FRY: variants seen among roughly 807,000 people sequenced by gnomAD.
The protein encoded by FRY is FRY microtubule binding protein, also known as protein furry homolog.
In FRY, 128 loss-of-function variants were observed where a neutral mutation model predicts 348.4. The observed-to-expected ratio is 0.37, with a 90% confidence interval of 0.32 to 0.43. The LOEUF (loss-of-function observed/expected upper bound fraction) is 0.43. FRY is among the 20% of genes least tolerant of loss of function. The pLI, the probability that FRY is intolerant of heterozygous loss-of-function variation, is 1.00. For synonymous variants in FRY, 1,370 were observed against 1,374.7 expected (o/e 1.00, Z 0.08); for missense variants, 2,736 against 3,695.2 (o/e 0.74, Z 6.73).
chr13:32,174,706 G>A (rs919273641), intron 19 of FRY, among the ~76,000 whole-genome samples: 1 of 152,018 alleles, frequency 6.6e-6, no homozygotes, highest in Non-Finnish European at 1.5e-5. Context: ...TTCCTCATAT[G>A]TTGCTTTCTT....
At chr13:32,063,725 C>A (rs534780287) in intron 1 of FRY, among the ~76,000 whole-genome samples, 57 of 152,340 alleles carry the variant, frequency 3.7e-4, no homozygotes, top group African/African-American at 1.3e-3. Context: ...AAGATTCCAA[C>A]AGCTAGGCAT....
intron 41 of FRY, among the ~76,000 whole-genome samples, chr13:32,234,350 G>T (rs1431160990): frequency 6.6e-6 from 1 of 151,970 alleles, no homozygotes. Context: ...TTGAGCCCAG[G>T]AGGTAGAGGC....
At chr13:32,114,524 T>C (rs577626049) in intron 3 of FRY, among the ~76,000 whole-genome samples, 6 of 152,320 alleles carry the variant, frequency 3.9e-5, no homozygotes, top group South Asian at 4.1e-4. Flanking sequence ...ATATCTTTTT[T>C]CCGTTCCAAG....
rs139189619 is a variant in FRY, at chr13:32,239,833, T to C, written c.6639T>C (p.His2213=). The change falls in exon 46 of 61, where the codon CAT becomes CAC. Residue 2213 remains histidine (H), a synonymous_variant. Transcript: ENST00000542859. The surrounding 1 kb of genome is among the most constrained non-coding windows in gnomAD (Gnocchi z 4.3). ...TWVNVVCRYL[H]EAYADITLNM... ...TCAATGTGGTCTGTCGATACCTTCA[T>C]GAAGCATATGCTGACATTACCTTGA... 46 of 1,614,156 alleles carry C rather than the reference T, an allele frequency of 2.8e-5. No individual in the cohort carries two copies. In the African/African-American group the frequency reaches 5.1e-4, roughly 18 times the overall value.
At chr13:32,275,833 C>G (rs1291975675) in intron 56 of FRY, among the ~76,000 whole-genome samples, 1 of 151,922 alleles carries the variant, frequency 6.6e-6, no homozygotes, top group Non-Finnish European at 1.5e-5. Flanking sequence ...GAACTCTAAC[C>G]ATGCGAGACT....
At chr13:32,205,041 A>G (rs1884271774) in intron 31 of FRY, among the ~76,000 whole-genome samples, 1 of 152,090 alleles carries the variant, frequency 6.6e-6, no homozygotes, top group Non-Finnish European at 1.5e-5. Context: ...TGTCTCTACT[A>G]AAAATACAAA....
intron 35 of FRY, among the ~76,000 whole-genome samples, chr13:32,218,128 G>C (rs1885106274): frequency 6.6e-6 from 1 of 152,174 alleles, no homozygotes; most frequent in African/African-American, 2.4e-5. Context: ...ATGTAAATAA[G>C]GGAATCATGT....
At chr13:32,261,159 C>T (rs1887623140) in intron 51 of FRY, among the ~76,000 whole-genome samples, 1 of 152,132 alleles carries the variant, frequency 6.6e-6, no homozygotes, top group South Asian at 2.1e-4. Flanking sequence ...CACTAAATAC[C>T]CAAAGGATTC....
Position 32,184,649 on chromosome 13 carries a change from G to A in FRY, c.3104G>A (p.Arg1035Gln), listed in dbSNP as rs770794276. 1.2e-6 allele frequency: 2 copies of A among 1,613,656 alleles called. No individual in the cohort carries two copies. The highest frequency in any genetic ancestry group is 1.1e-5 in the South Asian group (1 of 91,074). ...GACTTGTTAAGGCTACAACTACTTCGAATTTTTGAACTTTTGGCTGATGCT... is the reference window on the plus strand; with the variant it reads ...GACTTGTTAAGGCTACAACTACTTCAAATTTTTGAACTTTTGGCTGATGCT... ...RRDLLRLQLL[R>Q]IFELLADAGV... Residue 1035 changes from arginine to glutamine, a missense_variant, in exon 25 of 61, where the codon CGA becomes CAA. Physicochemically the swap from Arg to Gln is conservative, Grantham distance 43. Transcript: ENST00000542859.
At chr13:32,267,452 G>T (rs563885219) in intron 55 of FRY, 93 bp downstream of exon 55, 8 of 1,069,996 alleles carry the variant, frequency 7.5e-6, no homozygotes, top group Admixed American at 5.4e-5. Context: ...CTGTTCTGGG[G>T]TTATACTACT....
chr13:32,100,120 T>A (rs1327619348), intron 2 of FRY, among the ~76,000 whole-genome samples: 1 of 152,026 alleles, frequency 6.6e-6, no homozygotes, highest in African/African-American at 2.4e-5. Flanking sequence ...TATTTTTATT[T>A]TTTAAGATGG....
chr13:32,214,199 T>C (rs1381235076), intron 35 of FRY, among the ~76,000 whole-genome samples: 1 of 152,236 alleles, frequency 6.6e-6, no homozygotes. Flanking sequence ...CCTAAAATCC[T>C]TTTTTCTCCT....
chr13:32,184,288 C>T (rs2045958675), intron 24 of FRY, among the ~76,000 whole-genome samples: 1 of 152,188 alleles, frequency 6.6e-6, no homozygotes, highest in African/African-American at 2.4e-5. Context: ...TTTCATGTCC[C>T]CTGCCCCTTT....
At position 32,154,448 on chromosome 13, in the gene FRY, G is replaced by A. The variant is rs1490754739; in HGVS notation, c.1480-1043G>A. Among the ~76,000 whole-genome samples the A allele has an allele frequency of 4.6e-5, 7 of 152,236 alleles. No individual in the cohort carries two copies. The East Asian group carries it at 1.4e-3, about 29-fold the overall frequency. ...TAAATAGAAGTCTATGTTACTTTAT[G>A]TTATAAAATGTAATCGTGTTCTACT... On this transcript the variant is annotated intron_variant, in intron 14 of 60. Transcript: ENST00000542859.
At chr13:32,187,755 C>T (rs1883107768) in intron 28 of FRY, 99 bp downstream of exon 28, 4 of 723,544 alleles carry the variant, frequency 5.5e-6, no homozygotes, top group Non-Finnish European at 1.0e-5. Context: ...TACCTCTTCA[C>T]ACATCAGCCA....
intron 36 of FRY, among the ~76,000 whole-genome samples, chr13:32,223,249 C>T (rs953088409): frequency 2.6e-5 from 4 of 152,064 alleles, no homozygotes; most frequent in East Asian, 3.9e-4. Context: ...TGAGCTACCG[C>T]GACCAGGCCA....
intron 39 of FRY, 109 bp downstream of exon 39, chr13:32,226,083 A>G: frequency 3.5e-6 from 3 of 850,302 alleles, no homozygotes; most frequent in East Asian, 2.6e-5. Context: ...ATGACCTCCA[A>G]CTTTCCACGT....
At chr13:32,049,479 G>A (rs1278185383) in intron 1 of FRY, among the ~76,000 whole-genome samples, 1 of 151,964 alleles carries the variant, frequency 6.6e-6, no homozygotes, top group Non-Finnish European at 1.5e-5. Flanking sequence ...TTGCTCTGTC[G>A]GCTGGAGTGC....
chr13:32,175,607 T>C lies in FRY; in HGVS notation c.2396T>C (p.Phe799Ser). Residue 799 changes from phenylalanine (F) to serine (S), a missense_variant, in exon 20 of 61, where the codon TTT becomes TCT. Around this residue, in one of 9 missense-constraint regions of FRY, gnomAD observed 449 missense variants for 576.9 expected, o/e 0.78. Coordinates refer to ENST00000542859, the MANE Select transcript of FRY (RefSeq NM_023037.3). ...DQLSSSILES[F>S]IHVAVSDSAT... Reference sequence around the variant, plus strand: ...CTAAGTTCTTCCATTCTAGAAAGTTTTATTCATGTAGCAGTTTCGGATTCA... The same window carrying C: ...CTAAGTTCTTCCATTCTAGAAAGTTCTATTCATGTAGCAGTTTCGGATTCA... The C allele has an allele frequency of 6.2e-7, 1 of 1,607,034 alleles. No individual in the cohort carries two copies. Among genetic ancestry groups the C allele is most frequent in the Non-Finnish European group, 8.5e-7 (1 of 1,173,574 alleles).
Sources: gnomAD v4.1 joint callset for allele counts (sites outside exome capture counted in the v4.1 genomes callset) on GRCh38, gnomAD v4.1.1 for gene constraint, gnomAD v4.1.1 regional missense constraint, Gnocchi (gnomAD v3.1) non-coding constraint, MANE v1.5 for transcripts, NCBI Gene and HGNC (gene_info 2026-07-23, HGNC 2026-07-21) for gene names.